The following FBN1 variants were observed in gnomAD, a reference collection of about 807,000 sequenced individuals.
FBN1 encodes fibrillin-1.
FBN1 carries 29 observed loss-of-function variants against 365.1 expected under a neutral mutation model. The ratio of observed to expected loss-of-function variants is 0.08; its 90% confidence interval spans 0.06 to 0.11. FBN1 has a LOEUF of 0.11. Ranked by LOEUF, FBN1 falls within the 10% of genes least tolerant of loss-of-function variation. The probability of loss-of-function intolerance (pLI) is 1.00; values close to 1 mark genes in which losing one functional copy is unlikely to be tolerated. For missense variants in FBN1, 2,476 were observed against 3,703.2 expected (o/e 0.67, Z 8.60); for synonymous variants, 1,210 against 1,270.5 (o/e 0.95, Z 1.01).
At chr15:48,470,787 T>C (rs750516116) in intron 35 of FBN1, 31 bp from the exon 36 acceptor site, 1 of 1,607,426 alleles carries the variant, frequency 6.2e-7, no homozygotes, top group Non-Finnish European at 8.5e-7. Context: ...AGCAAAAAAC[T>C]TAACTTATAT....
At chr15:48,637,429 C>T (rs977021441) in intron 2 of FBN1, among the ~76,000 whole-genome samples, 2 of 152,162 alleles carry the variant, frequency 1.3e-5, no homozygotes, top group Non-Finnish European at 2.9e-5. Context: ...CACAAGATTG[C>T]TCAAGGTTGC....
At chr15:48,422,389 T>A (rs774491022) in intron 60 of FBN1, among the ~76,000 whole-genome samples, 1 of 152,230 alleles carries the variant, frequency 6.6e-6, no homozygotes, top group Non-Finnish European at 1.5e-5. Flanking sequence ...AACAAATTTT[T>A]AAATGAAGCG....
At chr15:48,638,907 T>C (rs1232966708) in intron 2 of FBN1, among the ~76,000 whole-genome samples, 2 of 152,192 alleles carry the variant, frequency 1.3e-5, no homozygotes, top group South Asian at 2.1e-4. Context: ...CTGCAATGGT[T>C]ACCTACCACC....
chr15:48,505,338 T>C lies in FBN1; in HGVS notation c.1838-191A>G, dbSNP rs55877477. 2.6e-5 allele frequency among the ~76,000 whole-genome samples: 4 copies of C among 152,324 alleles called. No individual in the cohort carries two copies. In the East Asian group the frequency reaches 7.7e-4, roughly 29 times the overall value. ...TAACAAAATCAAGAGAAATCAACTG[T>C]TGGAACTTATTTTCCATAAAAAGTA... On this transcript the variant is annotated intron_variant, in intron 15 of 65. Transcript: ENST00000316623.
chr15:48,440,000 C>A (rs1453904063), intron 50 of FBN1, among the ~76,000 whole-genome samples: 1 of 152,200 alleles, frequency 6.6e-6, no homozygotes, highest in Non-Finnish European at 1.5e-5. Flanking sequence ...TGTCATCTTA[C>A]AAGAAAAACC....
intron 6 of FBN1, among the ~76,000 whole-genome samples, chr15:48,582,245 G>A (rs60875903): frequency 0.013 from 1,960 of 152,192 alleles, 43 homozygotes; most frequent in African/African-American, 0.045. Flanking sequence ...ATACTTGCTG[G>A]GCTACTGCGT....
chr15:48,619,878 A>G (rs1265247165), intron 2 of FBN1, among the ~76,000 whole-genome samples: 1 of 151,810 alleles, frequency 6.6e-6, no homozygotes, highest in Non-Finnish European at 1.5e-5. Context: ...TAAAAGTTAA[A>G]AAAAAAAAAA....
intron 6 of FBN1, among the ~76,000 whole-genome samples, chr15:48,562,354 G>A (rs566435845): frequency 1.3e-5 from 2 of 152,290 alleles, no homozygotes; most frequent in South Asian, 2.1e-4. Flanking sequence ...GAAAGAGCAT[G>A]TAACACAGTA....
At chr15:48,419,615 C>T (rs955331917) in intron 63 of FBN1, among the ~76,000 whole-genome samples, 1 of 152,148 alleles carries the variant, frequency 6.6e-6, no homozygotes, top group Non-Finnish European at 1.5e-5. Flanking sequence ...TTCAGTCAAC[C>T]CTACATGCCA....
chr15:48,567,614 T>C (rs980097453), intron 6 of FBN1, among the ~76,000 whole-genome samples: 3 of 152,162 alleles, frequency 2.0e-5, no homozygotes, highest in Non-Finnish European at 2.9e-5. Context: ...GTATTCACCA[T>C]GACCAAATGG....
intron 6 of FBN1, among the ~76,000 whole-genome samples, chr15:48,543,990 A>C (rs1402768390): frequency 1.3e-5 from 2 of 151,990 alleles, no homozygotes; most frequent in Non-Finnish European, 2.9e-5. Context: ...ATATACATAC[A>C]TATGTGTACA....
chr15:48,515,232 AC>A (rs2141329652), intron 12 of FBN1, among the ~76,000 whole-genome samples, 154 bp downstream of exon 12: 1 of 152,328 alleles, frequency 6.6e-6, no homozygotes, highest in East Asian at 1.9e-4. Context: ...CTTCTGTTGG[AC>A]TACTAACCTA....
intron 6 of FBN1, among the ~76,000 whole-genome samples, chr15:48,560,980 T>G (rs2044218515): frequency 6.6e-6 from 1 of 152,174 alleles, no homozygotes; most frequent in Admixed American, 6.6e-5. Context: ...GAAAACTAAG[T>G]AATGTATTCA....
chr15:48,630,577 A>C (rs1889964960), intron 2 of FBN1, among the ~76,000 whole-genome samples: 2 of 152,210 alleles, frequency 1.3e-5, no homozygotes, highest in South Asian at 4.1e-4. Context: ...AAATACCTGA[A>C]AGGTTTTCAA....
At chr15:48,590,850 C>T (rs926135653) in intron 6 of FBN1, among the ~76,000 whole-genome samples, 5 of 152,212 alleles carry the variant, frequency 3.3e-5, no homozygotes, top group African/African-American at 1.2e-4. Flanking sequence ...ATGCTTTCCC[C>T]TATACTTTAT....
chr15:48,639,967 A>C (rs138173379), intron 2 of FBN1, among the ~76,000 whole-genome samples: 128 of 152,352 alleles, frequency 8.4e-4, no homozygotes, highest in African/African-American at 3.0e-3. Context: ...AAACTGGTAC[A>C]TGAATACTCT....
chr15:48,472,594 G>A lies in FBN1; in HGVS notation c.4293C>T (p.Cys1431=), dbSNP rs112375043. 3.7e-5 allele frequency: 59 copies of A among 1,614,040 alleles called. No homozygotes were observed. In the East Asian group the frequency reaches 4.5e-4, roughly 12 times the overall value. Residue 1431 remains cysteine (C), a synonymous_variant, in exon 35 of 66, where the codon TGC becomes TGT. Coordinates refer to ENST00000316623, the MANE Select transcript of FBN1 (RefSeq NM_000138.5). Reference sequence around the variant, plus strand: ...CAGCACTGGGCACGAAGCCCATGTCGCATTCACAGCGGTATCCTCCTGGTG... The same window carrying A: ...CAGCACTGGGCACGAAGCCCATGTCACATTCACAGCGGTATCCTCCTGGTG... ...LNAPGGYRCE[C]DMGFVPSADG...
Position 48,411,074 on chromosome 15 carries a change from T to C in FBN1, c.8532A>G (p.Gln2844=), listed in dbSNP as rs752457399. Residue 2844 remains glutamine, a synonymous_variant, in exon 66 of 66, where the codon CAA becomes CAG. Coordinates refer to ENST00000316623, the MANE Select transcript of FBN1 (RefSeq NM_000138.5). ...AGTCTTTGTCATATTTGTCTTCTAG[T>C]TGGTTAAGTTCTTTCTTTTTATAAA... ...TPLYKKKELN[Q]LEDKYDKDYL... 6.2e-7 allele frequency: 1 copy of C among 1,613,952 alleles called. No homozygotes were observed. The highest frequency in any genetic ancestry group is 1.1e-5 in the South Asian group (1 of 91,024).
At chr15:48,454,336 A>T (rs1262063464) in intron 44 of FBN1, among the ~76,000 whole-genome samples, 2 of 152,232 alleles carry the variant, frequency 1.3e-5, no homozygotes, top group African/African-American at 4.8e-5. Context: ...AGTTATCATA[A>T]AACTACTGAA....
Sources: allele counts gnomAD v4.1 joint callset (sites outside exome capture counted in the v4.1 genomes callset), GRCh38; gene constraint gnomAD v4.1.1; transcripts MANE v1.5; gene names NCBI Gene and HGNC (gene_info 2026-07-23, HGNC 2026-07-21).